Variants in TNC observed in about 807,000 individuals in gnomAD.
TNC encodes tenascin.
TNC carries 109 observed loss-of-function variants against 202.4 expected under a neutral mutation model. That is an observed-to-expected ratio of 0.54 (90% CI 0.46 to 0.63). The LOEUF (loss-of-function observed/expected upper bound fraction) is 0.63, where lower values mean the gene tolerates loss of function less well. Ranked by LOEUF, TNC falls within the 30% of genes least tolerant of loss-of-function variation. The pLI is 0.00. For synonymous variants in TNC, 1,007 were observed against 1,089.7 expected, an observed-to-expected ratio of 0.92 and a Z score of 1.50; for missense variants, 2,756 against 2,833.3, an observed-to-expected ratio of 0.97 and a Z score of 0.62.
At chr9:115,104,308 G>A (rs979020147) in intron 1 of TNC, among the ~76,000 whole-genome samples, 2 of 152,162 alleles carry the variant, frequency 1.3e-5, no homozygotes, top group Non-Finnish European at 2.9e-5. Context: ...GATTTATCTA[G>A]GAAGAACCGA....
chr9:115,074,769 ATG>A (rs1833715218), intron 9 of TNC, among the ~76,000 whole-genome samples: 1 of 125,878 alleles, frequency 7.9e-6, no homozygotes, highest in South Asian at 2.6e-4. Context: ...ACAAATCTAC[ATG>A]TGTGATAAAA....
chr9:115,107,526 T>C (rs1836711853), intron 1 of TNC, among the ~76,000 whole-genome samples: 1 of 152,238 alleles, frequency 6.6e-6, no homozygotes. Context: ...CTAAATGCTT[T>C]TTATTCATGC....
At chr9:115,099,380 G>A (rs1836051311) in intron 1 of TNC, among the ~76,000 whole-genome samples, 1 of 152,102 alleles carries the variant, frequency 6.6e-6, no homozygotes, top group African/African-American at 2.4e-5. Flanking sequence ...TACTAACATG[G>A]ACAAATATCC....
rs146213273 is a variant in TNC at position 115,084,276 on chromosome 9, G to A, written c.2064C>T (p.Tyr688=). 1.9e-5 allele frequency: 31 copies of A among 1,614,060 alleles called. No homozygotes were observed. The highest frequency in any genetic ancestry group is 1.6e-4 in the Middle Eastern group (1 of 6,084). ...IIQELEPGVE[Y]FIRVFAILEN... ...CCAGGATGGCAAATACACGGATAAA[G>A]TACTCCACACCAGGCTCCAGCTCCT... Residue 688 remains tyrosine (Y), a synonymous_variant, in exon 4 of 28, where the codon TAC becomes TAT. Coordinates refer to ENST00000350763, the MANE Select transcript of TNC (RefSeq NM_002160.4).
chr9:115,045,541 A>ATTTTTT (rs61415443), intron 17 of TNC, among the ~76,000 whole-genome samples: 10 of 110,110 alleles, frequency 9.1e-5, no homozygotes, highest in East Asian at 2.7e-4. Context: ...TAAGTTTTTG[A>ATTTTTT]TTTTTTTTTT....
intron 20 of TNC, among the ~76,000 whole-genome samples, chr9:115,036,493 C>A (rs192453438): frequency 6.6e-6 from 1 of 152,232 alleles, no homozygotes; most frequent in African/African-American, 2.4e-5. Flanking sequence ...AACTGGGGGT[C>A]AGGAGATTTT....
chr9:115,114,323 A>G (rs1303260221), intron 1 of TNC, among the ~76,000 whole-genome samples: 1 of 152,192 alleles, frequency 6.6e-6, no homozygotes, highest in African/African-American at 2.4e-5. Context: ...CTCGGAGCCT[A>G]CAACCATTTC....
intron 27 of TNC, among the ~76,000 whole-genome samples, chr9:115,022,926 G>T (rs1829191457): frequency 6.6e-6 from 1 of 151,366 alleles, no homozygotes; most frequent in Non-Finnish European, 1.5e-5. Flanking sequence ...GTATCAAAGT[G>T]ACTAATATTG....
At position 115,032,968 on chromosome 9, in the gene TNC, C is replaced by T. The variant is rs143521976; in HGVS notation, c.5788-1283G>A. ...TACACTCCTAGTAAACCAAGCACAA[C>T]GATCTTCTCTACAACCTGCAAACAG... On this transcript the variant is annotated intron_variant, in intron 22 of 27. Transcript: ENST00000350763. Among the ~76,000 whole-genome samples, 15 of 152,316 alleles carry T rather than the reference C, an allele frequency of 9.8e-5. 2 individuals carry two copies. The South Asian group carries it at 1.0e-3, about 11-fold the overall frequency.
chr9:115,104,334 C>T (rs750222688), intron 1 of TNC, among the ~76,000 whole-genome samples: 4 of 152,140 alleles, frequency 2.6e-5, no homozygotes, highest in Non-Finnish European at 4.4e-5. Context: ...GACAGACTTA[C>T]AACACAACCC....
chr9:115,060,133 G>A, intron 13 of TNC, 131 bp from the exon 14 acceptor site: 2 of 1,058,090 alleles, frequency 1.9e-6, no homozygotes, highest in Non-Finnish European at 2.6e-6. Context: ...TGGTCTCTGA[G>A]CATTTGCAAT....
chr9:115,044,020 G>A (rs1297465351), intron 17 of TNC, among the ~76,000 whole-genome samples: 1 of 152,192 alleles, frequency 6.6e-6, no homozygotes, highest in African/African-American at 2.4e-5. Context: ...TTGAGGTAGA[G>A]CCATGATGAA....
intron 27 of TNC, among the ~76,000 whole-genome samples, chr9:115,022,610 C>T (rs117403146): frequency 6.6e-4 from 100 of 151,666 alleles, no homozygotes; most frequent in East Asian, 2.5e-3. Flanking sequence ...TTGTATTATA[C>T]GAGTATTTTT....
rs1564393805 is a variant in TNC, at chr9:115,020,869, C to T, written c.*288G>A. ...TACCCCTCTCCCATTCCCAGAGCCA[C>T]CTAAGAGAAGTAAAAAACTATTGCG... On this transcript the variant is annotated 3_prime_UTR_variant, in exon 28 of 28. Coordinates refer to ENST00000350763, the MANE Select transcript of TNC (RefSeq NM_002160.4). The T allele has an allele frequency of 2.6e-6, 1 of 380,602 alleles. No individual in the cohort carries two copies. The allele number at this position is 380,602 out of a possible 1,614,324, so 23.6% of individuals were successfully genotyped here.
At chr9:115,072,997 A>G (rs3789870) in intron 10 of TNC, among the ~76,000 whole-genome samples, 119,258 of 152,038 alleles carry the variant, frequency 0.78, 47,385 homozygotes, top group African/African-American at 0.92. Flanking sequence ...TGCATGGGCC[A>G]CAATGTCAGG....
At chr9:115,066,612 C>T (rs571900214) in intron 10 of TNC, among the ~76,000 whole-genome samples, 6 of 152,268 alleles carry the variant, frequency 3.9e-5, no homozygotes, top group Non-Finnish European at 5.9e-5. Context: ...TTTGTTTGAT[C>T]GAGAACAGAG....
rs754693219 is a variant in TNC, at chr9:115,090,513, T to G, written c.457+49A>C. On this transcript the variant is annotated intron_variant, in intron 2 of 27. Coordinates refer to ENST00000350763, the MANE Select transcript of TNC (RefSeq NM_002160.4). The stretch of plus-strand genomic sequence containing the variant: ...GTGATGGATGCTGCTATGCTCTTCA[T>G]TTCTCCATGTTTGCACAGTGTGGGA... The G allele has an allele frequency of 3.5e-6, 5 of 1,443,092 alleles. No individual in the cohort carries two copies. The African/African-American group carries it at 4.3e-5, about 12-fold the overall frequency. The allele number at this position is 1,443,092 out of a possible 1,614,324, so 89.4% of individuals were successfully genotyped here. A position where few individuals can be genotyped will look rare whatever the true frequency, so the allele number is the denominator to read the frequency against.
chr9:115,111,248 C>T (rs189986385), intron 1 of TNC, among the ~76,000 whole-genome samples: 44 of 152,162 alleles, frequency 2.9e-4, no homozygotes, highest in African/African-American at 8.7e-4. Context: ...CATTCTCATA[C>T]GTGTGCAATT....
At chr9:115,037,470 C>G (rs928117322) in intron 20 of TNC, among the ~76,000 whole-genome samples, 1 of 152,194 alleles carries the variant, frequency 6.6e-6, no homozygotes, top group African/African-American at 2.4e-5. Flanking sequence ...CAACTGGGTA[C>G]ATTAGCACTG....
Sources: allele counts gnomAD v4.1 joint callset (sites outside exome capture counted in the v4.1 genomes callset), GRCh38; gene constraint gnomAD v4.1.1; transcripts MANE v1.5; gene names NCBI Gene and HGNC (gene_info 2026-07-23, HGNC 2026-07-21).